PDE4D: variants seen among roughly 807,000 people sequenced by gnomAD.
The protein encoded by PDE4D is 3',5'-cyclic-AMP phosphodiesterase 4D.
Under a neutral mutation model 87.4 loss-of-function variants are expected in PDE4D, and 24 were observed. That is an observed-to-expected ratio of 0.27 (90% CI 0.20 to 0.39). PDE4D has a LOEUF of 0.39. Among genes scored for constraint, PDE4D ranks in the 10% least tolerant of loss-of-function variants. The probability of loss-of-function intolerance (pLI) is 1.00; values close to 1 mark genes in which losing one functional copy is unlikely to be tolerated. For synonymous variants in PDE4D, 384 were observed against 383.2 expected (o/e 1.00, Z -0.02); for missense variants, 714 against 1,041.0 (o/e 0.69, Z 4.32).
At chr5:60,261,747 T>C (rs1749667638) in intron 1 of PDE4D, among the ~76,000 whole-genome samples, 1 of 152,180 alleles carries the variant, frequency 6.6e-6, no homozygotes, top group African/African-American at 2.4e-5. Flanking sequence ...TAAGTACTAG[T>C]CAAAAATAAA....
intron 1 of PDE4D, among the ~76,000 whole-genome samples, chr5:59,496,906 CTT>C (rs1183484753): frequency 2.6e-5 from 4 of 152,182 alleles, no homozygotes; most frequent in African/African-American, 9.7e-5. Context: ...AAGGAGGGCA[CTT>C]TGCAGACTTT....
At chr5:59,768,484 G>A (rs368900104) in intron 1 of PDE4D, 403 of 1,598,388 alleles carry the variant, frequency 2.5e-4, no homozygotes, top group Admixed American at 4.5e-4. Flanking sequence ...TACTGTTAAA[G>A]TGTCCGGGCT....
At chr5:59,649,855 G>T (rs1477021280) in intron 1 of PDE4D, among the ~76,000 whole-genome samples, 1 of 138,328 alleles carries the variant, frequency 7.2e-6, no homozygotes, top group Non-Finnish European at 1.5e-5. Flanking sequence ...CACCAATTTG[G>T]GAAACAACAA....
chr5:59,873,627 G>A (rs1172807117), intron 1 of PDE4D, among the ~76,000 whole-genome samples: 1 of 152,156 alleles, frequency 6.6e-6, no homozygotes, highest in East Asian at 1.9e-4. Flanking sequence ...AATGAAGAGG[G>A]AGAATGTGCT....
chr5:60,137,080 A>T (rs1042162973), intron 2 of PDE4D, among the ~76,000 whole-genome samples: 1 of 152,152 alleles, frequency 6.6e-6, no homozygotes, highest in African/African-American at 2.4e-5. Context: ...CTGTTCCTAC[A>T]TTAATTTGCT....
intron 3 of PDE4D, among the ~76,000 whole-genome samples, chr5:59,978,024 T>C (rs570820099): frequency 6.6e-6 from 1 of 152,334 alleles, no homozygotes; most frequent in Admixed American, 6.5e-5. Flanking sequence ...AAAGATTCTT[T>C]TCAAAATATG....
chr5:60,325,437 G>A (rs1241601104), intron 1 of PDE4D, among the ~76,000 whole-genome samples: 1 of 152,116 alleles, frequency 6.6e-6, no homozygotes, highest in Non-Finnish European at 1.5e-5. Flanking sequence ...CAGAAACTTT[G>A]TAGATGTCTT....
At position 59,809,624 on chromosome 5, in the gene PDE4D, A is replaced by G. The variant is rs144887829; in HGVS notation, c.455+83544T>C. 5.9e-5 allele frequency among the ~76,000 whole-genome samples: 9 copies of G among 152,326 alleles called. No homozygotes were observed. In the East Asian group the frequency reaches 1.4e-3, roughly 23 times the overall value. On this transcript the variant is annotated intron_variant, in intron 1 of 14. Transcript: ENST00000340635. ...ATAACGATGTGCTAAGAGGCTGAGC[A>G]TGTGTCTCTTATGTACATCTCCAGA...
At chr5:60,003,577 G>T (rs906489388) in intron 2 of PDE4D, among the ~76,000 whole-genome samples, 10 of 151,924 alleles carry the variant, frequency 6.6e-5, no homozygotes, top group Admixed American at 2.0e-4. Context: ...GAACGTGGTG[G>T]CAGGTGCTTG....
intron 1 of PDE4D, among the ~76,000 whole-genome samples, chr5:59,247,211 T>C (rs1047699388): frequency 2.6e-5 from 4 of 152,144 alleles, no homozygotes; most frequent in African/African-American, 9.7e-5. Context: ...ATCTATTCCA[T>C]GGCCTAGCTA....
intron 1 of PDE4D, among the ~76,000 whole-genome samples, chr5:59,576,500 TTTTA>T (rs1302609080): frequency 1.3e-4 from 20 of 152,262 alleles, no homozygotes; most frequent in African/African-American, 3.9e-4. Context: ...ACAATATAAT[TTTTA>T]TTTATCATTC....
chr5:59,783,787 C>T (rs1002973841), intron 1 of PDE4D, among the ~76,000 whole-genome samples: 1 of 152,142 alleles, frequency 6.6e-6, no homozygotes, highest in African/African-American at 2.4e-5. Flanking sequence ...GGCAACTTGG[C>T]CAGGCATGGT....
chr5:60,212,139 A>G (rs534206094), intron 1 of PDE4D, among the ~76,000 whole-genome samples: 1 of 152,192 alleles, frequency 6.6e-6, no homozygotes, highest in East Asian at 1.9e-4. Flanking sequence ...CACTAAATTC[A>G]TAGTAGCTCT....
At chr5:59,966,631 C>G (rs1388223801) in intron 3 of PDE4D, among the ~76,000 whole-genome samples, 2 of 152,186 alleles carry the variant, frequency 1.3e-5, no homozygotes, top group Non-Finnish European at 2.9e-5. Flanking sequence ...GATGTTTCAA[C>G]TGATGCCAAT....
At chr5:59,559,430 A>T (rs181590328) in intron 1 of PDE4D, among the ~76,000 whole-genome samples, 216 of 152,284 alleles carry the variant, frequency 1.4e-3, no homozygotes, top group African/African-American at 4.9e-3. Flanking sequence ...CATTTATTAC[A>T]TGGACTTTGT....
At chr5:59,301,311 G>A (rs992173125) in intron 1 of PDE4D, among the ~76,000 whole-genome samples, 3 of 152,126 alleles carry the variant, frequency 2.0e-5, no homozygotes, top group Admixed American at 1.3e-4. Flanking sequence ...GGAGTTATGA[G>A]CTAGACCTCA....
rs144950575 is a variant in PDE4D at position 59,759,452 on chromosome 5, G to A, written c.455+133716C>T. ...ATGTCAATGGTCATGGGAAGCACAC[G>A]TGAATAATAAGCTGCAAGGTTATCC... On this transcript the variant is annotated intron_variant, in intron 1 of 14. Coordinates refer to ENST00000340635, the MANE Select transcript of PDE4D (RefSeq NM_001104631.2). Among the ~76,000 whole-genome samples, 910 of 152,276 alleles carry A rather than the reference G, an allele frequency of 6.0e-3. 9 individuals are homozygous for A. Among genetic ancestry groups the A allele is most frequent in the African/African-American group, 0.021 (868 of 41,572 alleles).
intron 1 of PDE4D, among the ~76,000 whole-genome samples, chr5:59,690,267 C>G (rs1215612267): frequency 1.3e-5 from 2 of 152,162 alleles, no homozygotes; most frequent in Non-Finnish European, 2.9e-5. Context: ...CCAAGACAAT[C>G]CTAAGCCAAA....
chr5:60,289,074 C>A (rs1752663881), intron 1 of PDE4D, among the ~76,000 whole-genome samples: 1 of 152,168 alleles, frequency 6.6e-6, no homozygotes. Context: ...ATTGAGAACA[C>A]CGTCACTACG....
Sources: gnomAD v4.1 joint callset for allele counts (sites outside exome capture counted in the v4.1 genomes callset) on GRCh38, gnomAD v4.1.1 for gene constraint, MANE v1.5 for transcripts, NCBI Gene and HGNC (gene_info 2026-07-23, HGNC 2026-07-21) for gene names.